The following GARIN5A variants were observed in gnomAD, a reference collection of about 807,000 sequenced individuals.
GARIN5A encodes the protein golgi associated RAB2 interactor 5A.
chr19:50,469,431 C>T, the GARIN5A span, among the ~76,000 whole-genome samples: 1 of 152,174 alleles, frequency 6.6e-6, no homozygotes, highest in Non-Finnish European at 1.5e-5. Context: ...TAACAAATGG[C>T]CACCTGTTCC....
At chr19:50,472,194 GTGTGCATGTA>G in the GARIN5A span, among the ~76,000 whole-genome samples, 5 of 112,390 alleles carry the variant, frequency 4.4e-5, no homozygotes, top group African/African-American at 1.3e-4. Flanking sequence ...ATACATGTAT[GTGTGCATGTA>G]TATACATGTG....
the GARIN5A span, chr19:50,467,840 G>A: frequency 6.2e-7 from 1 of 1,611,820 alleles, no homozygotes; most frequent in African/African-American, 1.3e-5. Flanking sequence ...CTGGGTGGGA[G>A]GAAGGGGCGG....
the GARIN5A span, chr19:50,475,900 C>G: frequency 6.2e-7 from 1 of 1,613,796 alleles, no homozygotes; most frequent in African/African-American, 1.3e-5. Context: ...CTGGAGGTAG[C>G]GTTGGAGCCG....
chr19:50,470,175 G>A, the GARIN5A span, among the ~76,000 whole-genome samples: 2 of 152,220 alleles, frequency 1.3e-5, no homozygotes, highest in Non-Finnish European at 1.5e-5. Flanking sequence ...GCTGGACACA[G>A]CTTGGTGTCT....
At chr19:50,471,937 TGTAA>T in the GARIN5A span, among the ~76,000 whole-genome samples, 1,848 of 147,788 alleles carry the variant, frequency 0.013, 63 homozygotes, top group African/African-American at 0.044. Context: ...CATGTATGTG[TGTAA>T]GTATATATAC....
the GARIN5A span, among the ~76,000 whole-genome samples, chr19:50,473,354 C>T: frequency 6.6e-6 from 1 of 151,828 alleles, no homozygotes; most frequent in Non-Finnish European, 1.5e-5. Flanking sequence ...TTCTTTCTTC[C>T]CTCTCTTTCT....
chr19:50,468,746 C>A, the GARIN5A span, among the ~76,000 whole-genome samples: 324 of 152,200 alleles, frequency 2.1e-3, no homozygotes, highest in African/African-American at 7.3e-3. Flanking sequence ...TGGGACTATA[C>A]GCGCACCACC....
the GARIN5A span, chr19:50,476,331 G>C: frequency 1.3e-6 from 2 of 1,588,358 alleles, no homozygotes; most frequent in Admixed American, 3.5e-5. Flanking sequence ...CTCCTGATTT[G>C]TGATGACGTC....
At chr19:50,472,152 GTATA>G in the GARIN5A span, among the ~76,000 whole-genome samples, 6 of 150,760 alleles carry the variant, frequency 4.0e-5, no homozygotes, top group African/African-American at 7.4e-5. Context: ...GTATACGTGT[GTATA>G]TGTATGTATA....
At chr19:50,476,694 C>G in the GARIN5A span, 4 of 1,325,112 alleles carry the variant, frequency 3.0e-6, no homozygotes, top group South Asian at 1.4e-5. Context: ...CGGGCGCGGT[C>G]TACGGATGTC....
the GARIN5A span, chr19:50,475,494 C>T: frequency 5.7e-5 from 89 of 1,559,970 alleles, no homozygotes; most frequent in East Asian, 1.8e-3. Flanking sequence ...GGATAGATGT[C>T]GGGGCAGAAC....
the GARIN5A span, among the ~76,000 whole-genome samples, chr19:50,470,989 G>A: frequency 1.1e-3 from 160 of 151,886 alleles, no homozygotes; most frequent in African/African-American, 3.7e-3. Flanking sequence ...TTTGAGAAAG[G>A]GTCCTGTTCC....
the GARIN5A span, among the ~76,000 whole-genome samples, chr19:50,472,142 G>GTGTATATGTATA: frequency 9.1e-6 from 1 of 109,328 alleles, no homozygotes; most frequent in South Asian, 3.2e-4. Flanking sequence ...GTATATGTAT[G>GTGTATATGTATA]TATACGTGTG....
the GARIN5A span, chr19:50,467,890 G>A: frequency 3.3e-6 from 5 of 1,522,042 alleles, no homozygotes; most frequent in African/African-American, 1.4e-5. Flanking sequence ...AGCACCGTCG[G>A]GGTCAGGGGT....
chr19:50,474,380 C>T, the GARIN5A span, among the ~76,000 whole-genome samples: 76 of 144,972 alleles, frequency 5.2e-4, no homozygotes, highest in South Asian at 0.017. Context: ...GAGTCTCGCT[C>T]TGTCGCCCAG....
the GARIN5A span, among the ~76,000 whole-genome samples, chr19:50,471,635 TGTGTGTATATACGCATACATGCAC>T: frequency 6.9e-5 from 9 of 131,030 alleles, no homozygotes; most frequent in Non-Finnish European, 1.0e-4. Context: ...TGTGTATACA[TGTGTGTATATACGCATACATGCAC>T]GTGTGTGTAT....
the GARIN5A span, chr19:50,475,460 G>C: frequency 6.9e-6 from 11 of 1,602,018 alleles, no homozygotes; most frequent in East Asian, 1.1e-4. Context: ...AGTCACCTGG[G>C]GCCAGAGGTC....
At chr19:50,473,046 G>A in the GARIN5A span, among the ~76,000 whole-genome samples, 1 of 152,184 alleles carries the variant, frequency 6.6e-6, no homozygotes, top group African/African-American at 2.4e-5. Context: ...TAAAGGTATA[G>A]TGTAGAAGAG....
chr19:50,471,968 AT>A, the GARIN5A span, among the ~76,000 whole-genome samples: 3 of 150,830 alleles, frequency 2.0e-5, no homozygotes, highest in Non-Finnish European at 2.9e-5. Context: ...GTATGTATAT[AT>A]ACATGTATGT....
Sources: allele counts gnomAD v4.1 joint callset (sites outside exome capture counted in the v4.1 genomes callset), GRCh38; gene constraint gnomAD v4.1.1; transcripts MANE v1.5; gene names NCBI Gene and HGNC (gene_info 2026-07-23, HGNC 2026-07-21).